Variants in EPHA6 observed in about 807,000 individuals in gnomAD.
EPHA6 encodes the protein ephrin type-A receptor 6.
EPHA6 carries 50 observed loss-of-function variants against 112.0 expected under a neutral mutation model. That is an observed-to-expected ratio of 0.45 (90% CI 0.36 to 0.56). The LOEUF (loss-of-function observed/expected upper bound fraction) is 0.56. Among genes scored for constraint, EPHA6 ranks in the 20% least tolerant of loss-of-function variants. The pLI, the probability that EPHA6 is intolerant of heterozygous loss-of-function variation, is 0.00. For synonymous variants in EPHA6, 529 were observed against 490.7 expected (o/e 1.08, Z -1.03); for missense variants, 1,280 against 1,417.4 (o/e 0.90, Z 1.56).
chr3:97,227,135 C>T (rs2078381283), intron 4 of EPHA6, among the ~76,000 whole-genome samples: 1 of 150,278 alleles, frequency 6.7e-6, no homozygotes, highest in South Asian at 2.1e-4. Context: ...AAATAATCAC[C>T]CCTTAGATTT....
intron 3 of EPHA6, among the ~76,000 whole-genome samples, chr3:97,199,226 G>A (rs562909731): frequency 6.6e-6 from 1 of 152,218 alleles, no homozygotes; most frequent in East Asian, 1.9e-4. Flanking sequence ...CACAGTTGGA[G>A]GTCATGGCTG....
chr3:97,354,094 A>G (rs1237132316), intron 5 of EPHA6, among the ~76,000 whole-genome samples: 2 of 152,236 alleles, frequency 1.3e-5, no homozygotes, highest in Non-Finnish European at 2.9e-5. Flanking sequence ...CCTAATGCAC[A>G]TACAATTGCA....
At chr3:97,712,209 A>G (rs1040819490) in intron 14 of EPHA6, among the ~76,000 whole-genome samples, 6 of 152,198 alleles carry the variant, frequency 3.9e-5, no homozygotes. Flanking sequence ...TACTACAAAT[A>G]AGAAACTTTA....
At chr3:97,454,961 G>A (rs565977219) in intron 7 of EPHA6, among the ~76,000 whole-genome samples, 7 of 151,994 alleles carry the variant, frequency 4.6e-5, no homozygotes, top group Admixed American at 3.9e-4. Context: ...CAGTATATAA[G>A]ACTTTAATTT....
chr3:97,348,053 T>G (rs1025522358), intron 5 of EPHA6, among the ~76,000 whole-genome samples: 5 of 152,118 alleles, frequency 3.3e-5, no homozygotes, highest in African/African-American at 1.2e-4. Context: ...ACCCTCTTTT[T>G]GTGTTTGTAC....
chr3:97,122,051 G>A (rs1175757547), intron 3 of EPHA6, among the ~76,000 whole-genome samples: 2 of 152,022 alleles, frequency 1.3e-5, no homozygotes, highest in African/African-American at 2.4e-5. Context: ...TACTATGCCA[G>A]AAATTAAACT....
intron 10 of EPHA6, among the ~76,000 whole-genome samples, chr3:97,486,862 C>A (rs2091711868): frequency 6.6e-6 from 1 of 152,208 alleles, no homozygotes; most frequent in Non-Finnish European, 1.5e-5. Flanking sequence ...AGTCGTGTAA[C>A]ATCTGTGTAC....
intron 11 of EPHA6, chr3:97,560,533 C>A (rs1036341093): frequency 3.3e-5 from 5 of 152,004 alleles, no homozygotes; most frequent in African/African-American, 1.2e-4. Context: ...TTGGACAACA[C>A]AAACATAGAA....
In EPHA6 at chr3:97,537,728, G is replaced by A. The variant is rs563461590; in HGVS notation, c.2386+5185G>A. Among the ~76,000 whole-genome samples the A allele has an allele frequency of 2.0e-4, 30 of 152,094 alleles. 1 individual carries two copies. In the South Asian group the frequency reaches 3.9e-3, roughly 20 times the overall value. ...CAAGTAGCTGGGATCACAGGTGTAC[G>A]CCACCAAGTCCAGCTAATTTTTGTA... On this transcript the variant is annotated intron_variant, in intron 11 of 17. Transcript: ENST00000389672.
intron 14 of EPHA6, among the ~76,000 whole-genome samples, chr3:97,682,158 T>C (rs2031909437): frequency 6.6e-6 from 1 of 152,030 alleles, no homozygotes; most frequent in Non-Finnish European, 1.5e-5. Flanking sequence ...TAAGTCTACT[T>C]CTTTCCCTCT....
In EPHA6 at chr3:97,048,864, T is replaced by C. The variant is rs545613662; in HGVS notation, c.1114+60871T>C. Among the ~76,000 whole-genome samples the C allele has an allele frequency of 3.3e-5, 5 of 152,130 alleles. No individual in the cohort carries two copies. The South Asian group carries it at 1.0e-3, about 32-fold the overall frequency. Reference sequence around the variant, plus strand: ...AATGCTGCAGAAAAACGTGAAGCAATGAAGAGAGAATAGGAAGTGTGAGAT... The same window carrying C: ...AATGCTGCAGAAAAACGTGAAGCAACGAAGAGAGAATAGGAAGTGTGAGAT... On this transcript the variant is annotated intron_variant, in intron 3 of 17. Coordinates refer to ENST00000389672, the MANE Select transcript of EPHA6 (RefSeq NM_001080448.3).
intron 3 of EPHA6, among the ~76,000 whole-genome samples, chr3:97,105,716 C>G (rs2047547022): frequency 6.6e-6 from 1 of 152,136 alleles, no homozygotes; most frequent in Non-Finnish European, 1.5e-5. Context: ...CATTAATTCT[C>G]TGCCATGGTG....
At chr3:97,708,710 G>C (rs2033808617) in intron 14 of EPHA6, among the ~76,000 whole-genome samples, 1 of 152,248 alleles carries the variant, frequency 6.6e-6, no homozygotes, top group Non-Finnish European at 1.5e-5. Flanking sequence ...GGAGTGAAAA[G>C]TGGTTTCATT....
At chr3:97,384,420 T>A (rs1358280573) in intron 5 of EPHA6, among the ~76,000 whole-genome samples, 2 of 152,192 alleles carry the variant, frequency 1.3e-5, no homozygotes, top group Non-Finnish European at 2.9e-5. Flanking sequence ...CTGCCATATG[T>A]AGTAGAGCCT....
At chr3:97,688,571 G>A (rs1323947031) in intron 14 of EPHA6, among the ~76,000 whole-genome samples, 1 of 108,120 alleles carries the variant, frequency 9.2e-6, no homozygotes, top group East Asian at 3.3e-4. Context: ...ACTGGGGCCT[G>A]TCATGGGGTG....
chr3:97,705,819 C>A (rs1324711016), intron 14 of EPHA6, among the ~76,000 whole-genome samples: 1 of 152,154 alleles, frequency 6.6e-6, no homozygotes, highest in African/African-American at 2.4e-5. Flanking sequence ...TCATCTTTTG[C>A]CACTGGCTTG....
intron 3 of EPHA6, among the ~76,000 whole-genome samples, chr3:97,204,995 G>A (rs1471117461): frequency 1.3e-5 from 2 of 151,976 alleles, no homozygotes; most frequent in African/African-American, 4.8e-5. Flanking sequence ...AGAAAAATTG[G>A]GCAATTATAG....
chr3:97,520,628 T>C (rs2092526405), intron 10 of EPHA6, among the ~76,000 whole-genome samples: 2 of 152,224 alleles, frequency 1.3e-5, no homozygotes, highest in African/African-American at 2.4e-5. Flanking sequence ...TCTTTTGCTG[T>C]TTTCAGAATT....
At chr3:96,959,666 T>G (rs1012539057) in intron 2 of EPHA6, among the ~76,000 whole-genome samples, 11 of 152,082 alleles carry the variant, frequency 7.2e-5, no homozygotes, top group African/African-American at 2.4e-4. Flanking sequence ...TTTCATTAAT[T>G]TTTGTGTATT....
Sources: gnomAD v4.1 joint callset for allele counts (sites outside exome capture counted in the v4.1 genomes callset) on GRCh38, gnomAD v4.1.1 for gene constraint, MANE v1.5 for transcripts, NCBI Gene and HGNC (gene_info 2026-07-23, HGNC 2026-07-21) for gene names.